CDH13: variants seen among roughly 807,000 people sequenced by gnomAD.
The protein encoded by CDH13 is cadherin 13.
Under a neutral mutation model 63.8 loss-of-function variants are expected in CDH13, and 24 were observed. The observed-to-expected ratio is 0.38, with a 90% confidence interval of 0.27 to 0.53. The LOEUF is 0.53. Ranked by LOEUF, CDH13 falls within the 20% of genes least tolerant of loss-of-function variation. CDH13 has a pLI of 0.85. For missense variants in CDH13, 1,049 were observed against 903.1 expected (o/e 1.16, Z -2.07); for synonymous variants, 503 against 355.3 (o/e 1.42, Z -4.67).
chr16:83,743,748 C>CTTTTTTTTTTTTTTTCTTTTT (rs1912284645), intron 10 of CDH13, among the ~76,000 whole-genome samples: 1 of 76,256 alleles, frequency 1.3e-5, no homozygotes, highest in Non-Finnish European at 2.2e-5. Flanking sequence ...TTTCTTTTTT[C>CTTTTTTTTTTTTTTTCTTTTT]TTTTTTTTTT....
At chr16:82,838,339 C>A (rs2038859650) in intron 1 of CDH13, among the ~76,000 whole-genome samples, 1 of 152,156 alleles carries the variant, frequency 6.6e-6, no homozygotes, top group Non-Finnish European at 1.5e-5. Context: ...TGTGTTATCA[C>A]TAGTGTCCAC....
chr16:82,902,759 C>T (rs2041513130), intron 2 of CDH13, among the ~76,000 whole-genome samples: 1 of 152,086 alleles, frequency 6.6e-6, no homozygotes, highest in Non-Finnish European at 1.5e-5. Flanking sequence ...CGAAACCTAC[C>T]ATGTTTGTTT....
chr16:83,430,447 T>C (rs1053458126), intron 6 of CDH13, among the ~76,000 whole-genome samples: 14 of 152,232 alleles, frequency 9.2e-5, no homozygotes, highest in Non-Finnish European at 1.5e-5. Context: ...GCTAAAGTAG[T>C]TGACTCTTAT....
intron 6 of CDH13, among the ~76,000 whole-genome samples, chr16:83,462,987 C>T (rs1455314983): frequency 6.6e-6 from 1 of 152,194 alleles, no homozygotes; most frequent in East Asian, 1.9e-4. Context: ...GATCACCCAA[C>T]AGACAATGGT....
At chr16:82,978,898 C>T (rs1597345661) in intron 2 of CDH13, among the ~76,000 whole-genome samples, 1 of 152,108 alleles carries the variant, frequency 6.6e-6, no homozygotes, top group Non-Finnish European at 1.5e-5. Context: ...CACCACCATG[C>T]ACCTGGAAAA....
intron 1 of CDH13, among the ~76,000 whole-genome samples, chr16:82,819,333 C>G (rs60127669): frequency 5.1e-4 from 77 of 152,278 alleles, no homozygotes; most frequent in Non-Finnish European, 9.0e-4. Flanking sequence ...CAGCCAGGGA[C>G]AGTGACACAG....
intron 10 of CDH13, among the ~76,000 whole-genome samples, chr16:83,726,838 CAAAA>C (rs35810041): frequency 1.4e-5 from 2 of 145,776 alleles, no homozygotes; most frequent in African/African-American, 2.5e-5. Context: ...GACTCTGTCT[CAAAA>C]AAAAAAAAAA....
At chr16:83,274,832 A>T (rs1242986289) in intron 5 of CDH13, among the ~76,000 whole-genome samples, 2 of 152,152 alleles carry the variant, frequency 1.3e-5, no homozygotes, top group African/African-American at 4.8e-5. Context: ...TGTATAAGCA[A>T]GCTCCCAGGA....
At chr16:83,715,805 G>A (rs1174146705) in intron 10 of CDH13, among the ~76,000 whole-genome samples, 2 of 152,104 alleles carry the variant, frequency 1.3e-5, no homozygotes, top group Admixed American at 1.3e-4. Flanking sequence ...GGTCAACCTT[G>A]ACAACAGCGT....
chr16:82,894,240 C>A (rs903394184), intron 2 of CDH13, among the ~76,000 whole-genome samples: 2 of 152,124 alleles, frequency 1.3e-5, no homozygotes, highest in Non-Finnish European at 2.9e-5. Flanking sequence ...CAGGTGTGAG[C>A]CACTCTGCCC....
At chr16:83,609,050 A>G (rs1039300418) in intron 8 of CDH13, among the ~76,000 whole-genome samples, 1 of 152,110 alleles carries the variant, frequency 6.6e-6, no homozygotes, top group East Asian at 1.9e-4. Context: ...TGCTTTCACA[A>G]CACATTTTAT....
At chr16:83,111,539 G>C (rs1176501607) in intron 3 of CDH13, among the ~76,000 whole-genome samples, 1 of 152,228 alleles carries the variant, frequency 6.6e-6, no homozygotes, top group Non-Finnish European at 1.5e-5. Flanking sequence ...GAGAGTTGCT[G>C]ACTCTTCAGG....
At position 83,670,918 on chromosome 16, in the gene CDH13, C is replaced by T; in HGVS notation, c.1230C>T (p.Ser410=). 6.8e-6 allele frequency: 11 copies of T among 1,611,956 alleles called. No homozygotes were observed. Among genetic ancestry groups the T allele is most frequent in the South Asian group, 1.1e-5 (1 of 90,864 alleles). ...TCATCAACGGAAACCCCGGGCAGAG[C>T]TTTGAAATCCACACCAACCCTCAAA... ...YTIINGNPGQ[S]FEIHTNPQTN... The change falls in exon 9 of 14, where the codon AGC becomes AGT. Residue 410 remains serine, a synonymous_variant. Transcript: ENST00000567109.
At chr16:82,901,095 T>G (rs970367625) in intron 2 of CDH13, among the ~76,000 whole-genome samples, 1 of 151,860 alleles carries the variant, frequency 6.6e-6, no homozygotes, top group South Asian at 2.1e-4. Flanking sequence ...TTTTTGCCTT[T>G]ATTACACTTC....
intron 2 of CDH13, among the ~76,000 whole-genome samples, chr16:82,907,376 A>G (rs2041684546): frequency 6.6e-6 from 1 of 152,086 alleles, no homozygotes; most frequent in African/African-American, 2.4e-5. Flanking sequence ...CTGTTTAATC[A>G]TAATCCCTTT....
At chr16:82,978,815 A>C (rs187844917) in intron 2 of CDH13, among the ~76,000 whole-genome samples, 49 of 152,376 alleles carry the variant, frequency 3.2e-4, no homozygotes, top group Admixed American at 3.0e-3. Flanking sequence ...CCACTGGGGC[A>C]CTGCTTAGTG....
Position 83,033,260 on chromosome 16 carries a change from ATG to A in CDH13, c.366+1048_366+1049del, listed in dbSNP as rs148167625. Among the ~76,000 whole-genome samples, 695 of 152,140 alleles carry A rather than the reference ATG, an allele frequency of 4.6e-3. 35 individuals are homozygous for A. The East Asian group carries it at 0.11, about 23-fold the overall frequency. On this transcript the variant is annotated intron_variant, in intron 3 of 13. Transcript: ENST00000567109. Reference sequence around the variant, plus strand: ...GACCTTCAGTGACTTCAGTATATCTATGTGTGTATATGTATATATGTATATGT... The same window carrying A: ...GACCTTCAGTGACTTCAGTATATCTATGTGTATATGTATATATGTATATGT...
At chr16:83,054,268 A>T (rs1014185002) in intron 3 of CDH13, among the ~76,000 whole-genome samples, 1 of 152,250 alleles carries the variant, frequency 6.6e-6, no homozygotes, top group East Asian at 1.9e-4. Flanking sequence ...ATATGCAAAT[A>T]TGACAAAGTT....
At chr16:83,301,032 T>TTTTTG (rs2089725593) in intron 5 of CDH13, among the ~76,000 whole-genome samples, 2 of 129,640 alleles carry the variant, frequency 1.5e-5, no homozygotes, top group South Asian at 2.9e-4. Flanking sequence ...GGGGTTTTTT[T>TTTTTG]TTTTTTTTTT....
Sources: allele counts gnomAD v4.1 joint callset (sites outside exome capture counted in the v4.1 genomes callset), GRCh38; gene constraint gnomAD v4.1.1; transcripts MANE v1.5; gene names NCBI Gene and HGNC (gene_info 2026-07-23, HGNC 2026-07-21).